CHID1: variants seen among roughly 807,000 people sequenced by gnomAD.
CHID1 encodes the protein chitinase domain containing 1.
Under a neutral mutation model 55.4 loss-of-function variants are expected in CHID1, and 44 were observed. The ratio of observed to expected loss-of-function variants is 0.79; its 90% CI spans 0.62 to 1.02. CHID1 has a LOEUF of 1.02. Ranked by LOEUF, CHID1 falls within the 50% of genes least tolerant of loss-of-function variation. The probability of loss-of-function intolerance (pLI) is 0.00; values close to 1 mark genes in which losing one functional copy is unlikely to be tolerated. For synonymous variants in CHID1, 216 were observed against 212.9 expected (o/e 1.01, Z -0.13); for missense variants, 491 against 515.3 (o/e 0.95, Z 0.46).
chr11:878,377 G>GAGAT (rs1262634996), intron 10 of CHID1, among the ~76,000 whole-genome samples: 2 of 152,056 alleles, frequency 1.3e-5, no homozygotes, highest in African/African-American at 4.8e-5. Context: ...TCACACCACT[G>GAGAT]CACTCCAGCC....
intron 2 of CHID1, among the ~76,000 whole-genome samples, chr11:904,366 A>G (rs914495776): frequency 1.3e-5 from 2 of 152,198 alleles, no homozygotes; most frequent in African/African-American, 4.8e-5. Context: ...GCTCAAGGCC[A>G]TGATAAAGAC....
chr11:896,459 A>AATG (rs1851302767), intron 7 of CHID1, among the ~76,000 whole-genome samples: 2 of 49,250 alleles, frequency 4.1e-5, no homozygotes, highest in Admixed American at 2.2e-4. Flanking sequence ...CCCCAGACAC[A>AATG]AGGCTGTCTC....
intron 8 of CHID1, among the ~76,000 whole-genome samples, chr11:887,442 C>T (rs1850485138): frequency 6.6e-6 from 1 of 152,216 alleles, no homozygotes; most frequent in Admixed American, 6.5e-5. Flanking sequence ...AGAGGCTGGT[C>T]TTCTCGCTCC....
intron 2 of CHID1, chr11:903,847 G>A (rs1466172109): frequency 1.2e-4 from 20 of 165,778 alleles, no homozygotes; most frequent in African/African-American, 4.0e-4. Flanking sequence ...GCCTGCCACC[G>A]CCCCCGCCAA....
chr11:900,829 C>G (rs889529717), intron 5 of CHID1, 107 bp downstream of exon 5: 9 of 917,460 alleles, frequency 9.8e-6, no homozygotes, highest in Non-Finnish European at 1.5e-5. Flanking sequence ...ACCTGTGCCG[C>G]AGCAGCACAG....
rs1851628727 is a variant in CHID1 at position 899,337 on chromosome 11, C to T, written c.608+3G>A. 2 of 1,598,636 alleles carry T rather than the reference C, an allele frequency of 1.3e-6. No individual in the cohort carries two copies. Among genetic ancestry groups the T allele is most frequent in the Admixed American group, 1.7e-5 (1 of 58,032 alleles). ...CCACCCACCACCACCTGTGCCCACT[C>T]ACACGCGCTTCTGGCTTAGCAGCTG... On this transcript the variant is annotated splice_donor_region_variant and intron_variant, in intron 7 of 12. Coordinates refer to ENST00000323578, the MANE Select transcript of CHID1 (RefSeq NM_023947.4).
At chr11:870,776 T>G in intron 10 of CHID1, 1 of 393,194 alleles carries the variant, frequency 2.5e-6, no homozygotes, top group Non-Finnish European at 4.8e-6. Flanking sequence ...ACACGGGGCC[T>G]GAAACTGCCT....
intron 10 of CHID1, among the ~76,000 whole-genome samples, chr11:871,156 A>C (rs1849153262): frequency 6.6e-6 from 1 of 151,830 alleles, no homozygotes; most frequent in Non-Finnish European, 1.5e-5. Context: ...ATGCCCGACT[A>C]ATTTTTGTTA....
intron 8 of CHID1, among the ~76,000 whole-genome samples, chr11:892,522 T>C (rs1850920124): frequency 6.6e-6 from 1 of 152,152 alleles, no homozygotes; most frequent in South Asian, 2.1e-4. Flanking sequence ...CTTTCCAGGG[T>C]CTTCCATCAA....
At chr11:900,375 G>T (rs1851718356) in intron 5 of CHID1, among the ~76,000 whole-genome samples, 1 of 152,192 alleles carries the variant, frequency 6.6e-6, no homozygotes, top group Non-Finnish European at 1.5e-5. Context: ...ACACGGCTCA[G>T]CATGGTTGTG....
chr11:891,035 C>G (rs1565182844), intron 8 of CHID1, among the ~76,000 whole-genome samples: 1 of 152,206 alleles, frequency 6.6e-6, no homozygotes, highest in Non-Finnish European at 1.5e-5. Context: ...TGCAAAAGCA[C>G]CAGGGACAGG....
chr11:897,963 G>A (rs138707587), intron 7 of CHID1, among the ~76,000 whole-genome samples: 1 of 152,126 alleles, frequency 6.6e-6, no homozygotes, highest in South Asian at 2.1e-4. Context: ...TTCTGGAGCC[G>A]GGGCCTGGGA....
rs180955407 is a variant in CHID1 at position 875,843 on chromosome 11, C to G, written c.960-5344G>C. Among the ~76,000 whole-genome samples, 438 of 152,280 alleles carry G rather than the reference C, an allele frequency of 2.9e-3. 1 individual carries two copies. The highest frequency in any genetic ancestry group is 0.01 in the African/African-American group (420 of 41,556). ...CTGCTGCCGGCCTCCCAGACGTCCC[C>G]TGGCGGGTGACAGACAGGATGAAGG... On this transcript the variant is annotated intron_variant, in intron 10 of 12. Transcript: ENST00000323578. This position sits in a 1 kb window ranked among gnomAD's most constrained non-coding sequence, Gnocchi z 4.7.
At position 910,802 on chromosome 11, in the gene CHID1, C is replaced by T. The variant is rs1399267536; in HGVS notation, c.-71G>A. ...GCATGTCAGGGAGGCCGGACGGCCA[C>T]AAACGCACGGCCGGAAAACGCTCCA... On this transcript the variant is annotated 5_prime_UTR_variant, in exon 1 of 13. The change creates a new upstream start codon in the 5' untranslated region. Transcript: ENST00000323578. 4 of 1,112,546 alleles carry T rather than the reference C, an allele frequency of 3.6e-6. No homozygotes were observed. Among genetic ancestry groups the T allele is most frequent in the Non-Finnish European group, 4.4e-6 (4 of 904,464 alleles). 68.9% of individuals were successfully genotyped at this position (1,112,546 alleles called of 1,614,324 possible). A position where few individuals can be genotyped will look rare whatever the true frequency, so the allele number is the denominator to read the frequency against.
intron 8 of CHID1, among the ~76,000 whole-genome samples, chr11:889,530 T>C (rs939724022): frequency 5.3e-5 from 8 of 152,136 alleles, no homozygotes; most frequent in Non-Finnish European, 8.8e-5. Context: ...TAGACTGTCA[T>C]CTTCCAGCCA....
At chr11:899,609 G>C (rs1046545595) in intron 6 of CHID1, among the ~76,000 whole-genome samples, 2 of 152,198 alleles carry the variant, frequency 1.3e-5, no homozygotes, top group Non-Finnish European at 2.9e-5. Context: ...AGGGGCCAGT[G>C]GTCTCGTGCA....
chr11:870,863 G>A (rs1849132053), intron 10 of CHID1: 1 of 218,570 alleles, frequency 4.6e-6, no homozygotes, highest in African/African-American at 2.3e-5. Context: ...CCAGGTGAGA[G>A]GCTAACCAGA....
At chr11:914,274 C>G (rs1852836765), upstream of CHID1, 1 of 191,474 alleles carries the variant, frequency 5.2e-6, no homozygotes, top group Non-Finnish European at 1.1e-5. Flanking sequence ...ACTAAACCAG[C>G]CCTCAGCCCC....
intron 2 of CHID1, among the ~76,000 whole-genome samples, chr11:903,935 A>C (rs878857036): frequency 1.1e-4 from 10 of 94,610 alleles, no homozygotes; most frequent in South Asian, 6.6e-4. Flanking sequence ...GCCTGCCACC[A>C]CCCCCACCAA....
Sources: allele counts gnomAD v4.1 joint callset (sites outside exome capture counted in the v4.1 genomes callset), GRCh38; gene constraint gnomAD v4.1.1; non-coding constraint Gnocchi (gnomAD v3.1); transcripts MANE v1.5; gene names NCBI Gene and HGNC (gene_info 2026-07-23, HGNC 2026-07-21).